SIPA1L2: variants seen among roughly 807,000 people sequenced by gnomAD.
The protein encoded by SIPA1L2 is signal induced proliferation associated 1 like 2, also known as signal-induced proliferation-associated 1-like protein 2.
Under a neutral mutation model 163.9 loss-of-function variants are expected in SIPA1L2, and 56 were observed. The observed-to-expected ratio is 0.34, with a 90% CI of 0.28 to 0.43. The LOEUF (loss-of-function observed/expected upper bound fraction) is 0.43, where lower values mean the gene tolerates loss of function less well. SIPA1L2 is among the 20% of genes least tolerant of loss of function. The probability of loss-of-function intolerance (pLI) is 1.00; values close to 1 mark genes in which losing one functional copy is unlikely to be tolerated. For missense variants in SIPA1L2, 1,974 were observed against 2,193.5 expected (o/e 0.90, Z 2.00); for synonymous variants, 877 against 865.7 (o/e 1.01, Z -0.23).
chr1:232,609,914 C>T (rs940318103), intron 1 of SIPA1L2, among the ~76,000 whole-genome samples: 15 of 151,630 alleles, frequency 9.9e-5, no homozygotes, highest in African/African-American at 3.4e-4. Flanking sequence ...TAATGATATG[C>T]ATGATGTCTG....
At chr1:232,518,226 T>A (rs1667298825) in intron 2 of SIPA1L2, among the ~76,000 whole-genome samples, 1 of 152,220 alleles carries the variant, frequency 6.6e-6, no homozygotes, top group Admixed American at 6.5e-5. Flanking sequence ...AACTTGTTTG[T>A]GCTAAGAACA....
At chr1:232,591,021 C>T (rs556199446) in intron 1 of SIPA1L2, among the ~76,000 whole-genome samples, 75 of 152,324 alleles carry the variant, frequency 4.9e-4, no homozygotes, top group African/African-American at 1.7e-3. Flanking sequence ...AATCAGAACA[C>T]GGCTGATTTC....
chr1:232,460,964 C>T lies in SIPA1L2; in HGVS notation c.3018G>A (p.Gln1006=), dbSNP rs1230833848. 1 of 1,614,288 alleles carries T rather than the reference C, an allele frequency of 6.2e-7. No homozygotes were observed. The highest frequency in any genetic ancestry group is 1.7e-5 in the Admixed American group (1 of 60,036). ...CAGAAGTACGGAGCAGGTCGATCAT[C>T]TGCTCGTGGGTCAGAGTGGCCACGG... ...KVAVATLTHE[Q]MIDLLRTSVT... is the part of the protein sequence containing the mutation. The change falls in exon 10 of 23, where the codon CAG becomes CAA. Residue 1006 remains glutamine, a synonymous_variant. Transcript: ENST00000674635.
chr1:232,537,874 T>G (rs1014443727), intron 2 of SIPA1L2, among the ~76,000 whole-genome samples: 3 of 152,240 alleles, frequency 2.0e-5, no homozygotes, highest in Admixed American at 6.5e-5. Context: ...TCATGATCCT[T>G]AAACTATCTA....
rs1390715507 is a variant in SIPA1L2, at chr1:232,415,524, G to A, written c.4732C>T (p.His1578Tyr). ...PDTATGLDWT[H>Y]LVDAARAFEG... is the part of the protein sequence containing the mutation. ...AATGCCCGTGCAGCATCCACGAGGTGGGTCCAATCTAACCCTGTGGCTGTG... is the reference window on the plus strand; with the variant it reads ...AATGCCCGTGCAGCATCCACGAGGTAGGTCCAATCTAACCCTGTGGCTGTG... The change falls in exon 19 of 23, where the codon CAC (histidine) becomes TAC (tyrosine). Residue 1578 changes from histidine to tyrosine, a missense_variant. Around this residue, in one of 3 missense-constraint regions of SIPA1L2, gnomAD observed 1,079 missense variants for 1,150.7 expected, o/e 0.94. Transcript: ENST00000674635. 7 of 1,612,786 alleles carry A rather than the reference G, an allele frequency of 4.3e-6. No individual in the cohort carries two copies. Among genetic ancestry groups the A allele is most frequent in the Non-Finnish European group, 4.2e-6 (5 of 1,179,484 alleles).
intron 2 of SIPA1L2, among the ~76,000 whole-genome samples, chr1:232,567,469 A>G (rs1296445508): frequency 6.6e-6 from 1 of 152,200 alleles, no homozygotes; most frequent in African/African-American, 2.4e-5. Context: ...TCAACTAGCT[A>G]TAACCTAATG....
intron 2 of SIPA1L2, among the ~76,000 whole-genome samples, chr1:232,572,734 CATACATATATATATAT>C (rs1659832132): frequency 4.5e-5 from 3 of 67,328 alleles, no homozygotes; most frequent in South Asian, 4.3e-4. Context: ...TATATACATA[CATACATATATATATAT>C]ATATATATAT....
Position 232,513,799 on chromosome 1 carries a change from A to T in SIPA1L2, c.1483+58T>A, listed in dbSNP as rs1573009506. 2.3e-5 allele frequency: 35 copies of T among 1,504,862 alleles called. No homozygotes were observed. The East Asian group carries it at 7.9e-4, about 34-fold the overall frequency. 93.2% of individuals were successfully genotyped at this position (1,504,862 alleles called of 1,614,324 possible). On this transcript the variant is annotated intron_variant, in intron 3 of 22. Coordinates refer to ENST00000674635, the MANE Select transcript of SIPA1L2 (RefSeq NM_020808.5). ...CTCCAACACAAAGCAAAACATTGTG[A>T]CTGGTTCTTAAAAAACTACTCCCGA...
intron 1 of SIPA1L2, among the ~76,000 whole-genome samples, chr1:232,627,124 G>C (rs1663120584): frequency 1.3e-5 from 2 of 151,874 alleles, no homozygotes; most frequent in African/African-American, 4.8e-5. Context: ...GTCTTTAAAA[G>C]GATTTGTAAT....
intron 2 of SIPA1L2, among the ~76,000 whole-genome samples, chr1:232,569,773 G>A (rs1328415083): frequency 2.0e-5 from 3 of 152,090 alleles, no homozygotes; most frequent in South Asian, 2.1e-4. Context: ...AGATGGCACC[G>A]CTGCACTCTA....
intron 2 of SIPA1L2, among the ~76,000 whole-genome samples, chr1:232,573,012 C>A (rs540362955): frequency 4.6e-5 from 7 of 151,854 alleles, no homozygotes; most frequent in Non-Finnish European, 8.8e-5. Context: ...AACTCCCCAT[C>A]TCAGGTGATC....
chr1:232,422,498 A>G (rs1661631060), intron 18 of SIPA1L2, among the ~76,000 whole-genome samples: 1 of 152,216 alleles, frequency 6.6e-6, no homozygotes, highest in Non-Finnish European at 1.5e-5. Context: ...ATTCACTGGG[A>G]AGAGATGGGC....
intron 2 of SIPA1L2, among the ~76,000 whole-genome samples, chr1:232,529,184 C>A (rs1667857066): frequency 6.6e-6 from 1 of 152,150 alleles, no homozygotes; most frequent in African/African-American, 2.4e-5. Context: ...CTGAAAATAT[C>A]TACATGATCA....
At chr1:232,625,527 G>C (rs1438313894) in intron 1 of SIPA1L2, among the ~76,000 whole-genome samples, 2 of 152,162 alleles carry the variant, frequency 1.3e-5, no homozygotes, top group Admixed American at 1.3e-4. Context: ...CGGCTCGGCA[G>C]GTTTTAGCGA....
At chr1:232,591,757 G>C (rs1413336160) in intron 1 of SIPA1L2, among the ~76,000 whole-genome samples, 1 of 152,234 alleles carries the variant, frequency 6.6e-6, no homozygotes, top group Non-Finnish European at 1.5e-5. Flanking sequence ...CCGAGCCCTT[G>C]TACCAATAAA....
intron 16 of SIPA1L2, 28 bp downstream of exon 16, chr1:232,432,219 A>T: frequency 2.5e-6 from 4 of 1,591,554 alleles, no homozygotes; most frequent in Non-Finnish European, 3.4e-6. Flanking sequence ...AAAAATGCTG[A>T]CCAGAGAAGA....
chr1:232,535,316 G>C (rs1216827838), intron 2 of SIPA1L2, among the ~76,000 whole-genome samples: 2 of 152,038 alleles, frequency 1.3e-5, no homozygotes, highest in Non-Finnish European at 2.9e-5. Flanking sequence ...TTTCCTTCAT[G>C]AATGTCTGGC....
At chr1:232,569,293 G>A (rs978700935) in intron 2 of SIPA1L2, among the ~76,000 whole-genome samples, 1 of 152,186 alleles carries the variant, frequency 6.6e-6, no homozygotes, top group Non-Finnish European at 1.5e-5. Flanking sequence ...ATCTAAACAT[G>A]TTATATATAG....
chr1:232,522,776 C>G (rs1477758199), intron 2 of SIPA1L2, among the ~76,000 whole-genome samples: 1 of 152,132 alleles, frequency 6.6e-6, no homozygotes, highest in Non-Finnish European at 1.5e-5. Context: ...CGTGAAATAG[C>G]TGAAAATGTA....
Sources: allele counts gnomAD v4.1 joint callset (sites outside exome capture counted in the v4.1 genomes callset), GRCh38; gene constraint gnomAD v4.1.1; regional missense constraint gnomAD v4.1.1; transcripts MANE v1.5; gene names NCBI Gene and HGNC (gene_info 2026-07-23, HGNC 2026-07-21).